RNF145: variants seen among roughly 807,000 people sequenced by gnomAD.
RNF145 encodes ring finger protein 145.
Under a neutral mutation model 57.3 loss-of-function variants are expected in RNF145, and 12 were observed. That is an observed-to-expected ratio of 0.21 (90% CI 0.13 to 0.34). RNF145 has a LOEUF of 0.34. Among genes scored for constraint, RNF145 ranks in the 10% least tolerant of loss-of-function variants. The pLI is 1.00. For synonymous variants in RNF145, 262 were observed against 288.3 expected, an observed-to-expected ratio of 0.91 and a Z score of 0.92; for missense variants, 429 against 799.0, an observed-to-expected ratio of 0.54 and a Z score of 5.58.
chr5:159,168,031 TAGAAAA>T (rs1784441774), intron 8 of RNF145, among the ~76,000 whole-genome samples: 1 of 151,990 alleles, frequency 6.6e-6, no homozygotes, highest in Admixed American at 6.6e-5. Flanking sequence ...GATAGAGAAC[TAGAAAA>T]AAAACAGTGA....
At chr5:159,176,173 TA>T (rs1349569380) in intron 5 of RNF145, among the ~76,000 whole-genome samples, 3 of 152,152 alleles carry the variant, frequency 2.0e-5, no homozygotes, top group African/African-American at 4.8e-5. Context: ...AGTAGGACTA[TA>T]ATCAGAAGGA....
At position 159,209,472 on chromosome 5, in the gene RNF145, C is replaced by T. The variant is rs1349835285; in HGVS notation, c.-281G>A. 2 of 978,454 alleles carry T rather than the reference C, an allele frequency of 2.0e-6. No individual in the cohort carries two copies. The highest frequency in any genetic ancestry group is 1.2e-4 in the East Asian group (1 of 8,616). The allele number at this position is 978,454 out of a possible 1,614,324, so 60.6% of individuals were successfully genotyped here. ...CATCGTCCGCGGCAGCAGGCGCTCGCGGGCCGAGCCCCTTAGCAGCCGGCG... is the reference window on the plus strand; with the variant it reads ...CATCGTCCGCGGCAGCAGGCGCTCGTGGGCCGAGCCCCTTAGCAGCCGGCG... On this transcript the variant is annotated 5_prime_UTR_variant, in exon 1 of 11. Transcript: ENST00000424310.
At chr5:159,193,387 G>A (rs1455522114) in intron 3 of RNF145, among the ~76,000 whole-genome samples, 2 of 152,068 alleles carry the variant, frequency 1.3e-5, no homozygotes. Context: ...AAATCAACCA[G>A]GAAGGAATAA....
intron 3 of RNF145, among the ~76,000 whole-genome samples, chr5:159,192,918 C>A (rs572304028): frequency 6.6e-6 from 1 of 152,354 alleles, no homozygotes; most frequent in African/African-American, 2.4e-5. Context: ...TCTATAGATA[C>A]AATTTTTGTT....
At chr5:159,201,813 G>C (rs1282915559) in intron 2 of RNF145, among the ~76,000 whole-genome samples, 3 of 152,180 alleles carry the variant, frequency 2.0e-5, no homozygotes, top group African/African-American at 7.2e-5. Flanking sequence ...TGAGAACTCA[G>C]CGAATGAGTA....
At chr5:159,166,241 T>C (rs550871063) in intron 8 of RNF145, among the ~76,000 whole-genome samples, 23 of 152,338 alleles carry the variant, frequency 1.5e-4, no homozygotes, top group African/African-American at 5.3e-4. Flanking sequence ...CCTCATCAAG[T>C]TTTTTGTCCC....
Position 159,172,206 on chromosome 5 carries a change from T to G in RNF145, c.797+1777A>C, listed in dbSNP as rs564545778. 6.2e-4 allele frequency among the ~76,000 whole-genome samples: 94 copies of G among 152,274 alleles called. 1 individual carries two copies. Among genetic ancestry groups the G allele is most frequent in the African/African-American group, 2.1e-3 (89 of 41,574 alleles). On this transcript the variant is annotated intron_variant, in intron 6 of 10. Transcript: ENST00000424310. ...ACTTTTTGGGTCATTTTAAAAGTCT[T>G]CAGGCCGGGCGTGGTGGTTCACACC...
chr5:159,187,460 T>C (rs112523603), intron 3 of RNF145, among the ~76,000 whole-genome samples: 16,944 of 151,664 alleles, frequency 0.11, 1,181 homozygotes, highest in South Asian at 0.18. Context: ...CCTGAGTAGC[T>C]TAGATTATAG....
At chr5:159,160,382 T>C (rs1269568192) in intron 10 of RNF145, among the ~76,000 whole-genome samples, 1 of 152,174 alleles carries the variant, frequency 6.6e-6, no homozygotes, top group East Asian at 1.9e-4. Context: ...AAATTAAATA[T>C]GCACAAATTT....
Position 159,168,932 on chromosome 5 carries a change from T to C in RNF145, c.1062A>G (p.Leu354=). The change falls in exon 8 of 11, where the codon CTA becomes CTG. Residue 354 remains leucine, a synonymous_variant. Transcript: ENST00000424310. ...GATCTGCAATTTCTAACATAGACTG[T>C]AGGATAGAAGCTACGACAATGAAAA... ...IILFIVVASI[L]QSMLEIADPI... is the part of the protein sequence containing the mutation. 1 of 1,604,722 alleles carries C rather than the reference T, an allele frequency of 6.2e-7. No individual in the cohort carries two copies. Among genetic ancestry groups the C allele is most frequent in the South Asian group, 1.1e-5 (1 of 89,030 alleles).
At chr5:159,208,192 G>T in intron 1 of RNF145, 1 of 1,344,772 alleles carries the variant, frequency 7.4e-7, no homozygotes, top group Non-Finnish European at 9.6e-7. Context: ...CTCGCGGCAA[G>T]CAGGCAGCGC....
intron 5 of RNF145, among the ~76,000 whole-genome samples, chr5:159,175,865 C>A (rs188994965): frequency 1.3e-5 from 2 of 152,310 alleles, no homozygotes; most frequent in Middle Eastern, 3.4e-3. Flanking sequence ...AAGACAGTGA[C>A]ATTTTAACAC....
intron 5 of RNF145, among the ~76,000 whole-genome samples, chr5:159,176,346 G>GA (rs377306156): frequency 1.3e-3 from 192 of 152,210 alleles, no homozygotes; most frequent in African/African-American, 4.3e-3. Context: ...CCGTTTTACA[G>GA]AAAGTAACGC....
At position 159,176,838 on chromosome 5, in the gene RNF145, A is replaced by C; in HGVS notation, c.415T>G (p.Cys139Gly). Residue 139 changes from cysteine to glycine, a missense_variant, in exon 5 of 11, where the codon TGT becomes GGT. Transcript: ENST00000424310. ...GQLVVCTLCS[C>G]VMKTKQIWLF... ...CAAATCTGCTTTGTTTTCATGACAC[A>C]GGAGCATAAAGTACACACCACCAAC... is the stretch of plus-strand genomic sequence containing the variant. 6.2e-7 allele frequency: 1 copy of C among 1,611,458 alleles called. No individual in the cohort carries two copies. The highest frequency in any genetic ancestry group is 8.5e-7 in the Non-Finnish European group (1 of 1,178,218).
intron 4 of RNF145, among the ~76,000 whole-genome samples, chr5:159,180,917 T>C (rs1210275106): frequency 6.6e-6 from 1 of 151,878 alleles, no homozygotes; most frequent in Non-Finnish European, 1.5e-5. Context: ...AATGATATAG[T>C]GGAATTCTGG....
At chr5:159,209,992 CGTGCCCAGCACCAA>C, upstream of RNF145, 1 of 1,255,398 alleles carries the variant, frequency 8.0e-7, no homozygotes, top group Non-Finnish European at 1.1e-6. Flanking sequence ...ATGGCTCAGC[CGTGCCCAGCACCAA>C]GTGCAGGCAC....
rs1236150499 is a variant in RNF145 at position 159,203,516 on chromosome 5, A to G, written c.102T>C (p.Phe34=). The G allele has an allele frequency of 2.5e-6, 4 of 1,614,156 alleles. No individual in the cohort carries two copies. Among genetic ancestry groups the G allele is most frequent in the East Asian group, 2.2e-5 (1 of 44,876 alleles). ...DVLYRWDVSS[F]FQQIQRSSLS... ...GGCTACTTCTTTGGATCTGCTGGAA[A>G]AAGGAGCTGACATCCCATCTGTACA... The change falls in exon 2 of 11, where the codon TTT becomes TTC. Residue 34 remains phenylalanine (F), a synonymous_variant. Transcript: ENST00000424310.
intron 4 of RNF145, among the ~76,000 whole-genome samples, chr5:159,179,739 T>C (rs986788204): frequency 3.3e-5 from 5 of 152,250 alleles, no homozygotes; most frequent in South Asian, 2.1e-4. Flanking sequence ...CTCATAACGA[T>C]AGTCATAAAG....
chr5:159,200,862 T>C (rs1785637497), intron 2 of RNF145, among the ~76,000 whole-genome samples: 1 of 152,222 alleles, frequency 6.6e-6, no homozygotes. Flanking sequence ...AGTATGTGTA[T>C]GTTCAATTCA....
Sources: allele counts gnomAD v4.1 joint callset (sites outside exome capture counted in the v4.1 genomes callset), GRCh38; gene constraint gnomAD v4.1.1; transcripts MANE v1.5; gene names NCBI Gene and HGNC (gene_info 2026-07-23, HGNC 2026-07-21).